Variants in ANKIB1 observed in about 807,000 individuals in gnomAD.
ANKIB1 encodes the protein ankyrin repeat and IBR domain containing 1.
Under a neutral mutation model 122.1 loss-of-function variants are expected in ANKIB1, and 43 were observed. The observed-to-expected ratio is 0.35, with a 90% CI of 0.28 to 0.45. ANKIB1 has a LOEUF of 0.45. ANKIB1 is among the 20% of genes least tolerant of loss of function. The pLI, the probability that ANKIB1 is intolerant of heterozygous loss-of-function variation, is 1.00. For synonymous variants in ANKIB1, 390 were observed against 442.0 expected (o/e 0.88, Z 1.48); for missense variants, 992 against 1,329.5 (o/e 0.75, Z 3.95).
At chr7:92,378,832 G>A (rs1242245508) in intron 11 of ANKIB1, among the ~76,000 whole-genome samples, 2 of 152,170 alleles carry the variant, frequency 1.3e-5, no homozygotes, top group Non-Finnish European at 2.9e-5. Context: ...CAAAAATTCA[G>A]TTAAGTAGCA....
intron 1 of ANKIB1, among the ~76,000 whole-genome samples, chr7:92,285,906 C>T (rs1001498392): frequency 5.3e-5 from 8 of 152,204 alleles, no homozygotes; most frequent in Non-Finnish European, 8.8e-5. Context: ...TTCAAGCAAA[C>T]TCATTGTGCT....
At chr7:92,380,359 C>T (rs977297435) in intron 11 of ANKIB1, among the ~76,000 whole-genome samples, 18 of 152,104 alleles carry the variant, frequency 1.2e-4, no homozygotes, top group East Asian at 3.9e-4. Flanking sequence ...TGTCCCTGTC[C>T]GACAGCTCTG....
At chr7:92,352,975 C>T (rs1803697920) in intron 9 of ANKIB1, among the ~76,000 whole-genome samples, 1 of 152,126 alleles carries the variant, frequency 6.6e-6, no homozygotes, top group Admixed American at 6.6e-5. Context: ...GATTAGAACC[C>T]AGCTGTTTGA....
At chr7:92,347,842 A>G (rs1360280161) in intron 7 of ANKIB1, 1 of 257,798 alleles carries the variant, frequency 3.9e-6, no homozygotes, top group Non-Finnish European at 7.6e-6. Flanking sequence ...GCTTCCTAGG[A>G]TTATCATCAG....
At chr7:92,360,023 A>G (rs182455566) in intron 9 of ANKIB1, among the ~76,000 whole-genome samples, 47 of 152,358 alleles carry the variant, frequency 3.1e-4, no homozygotes, top group Admixed American at 1.6e-3. Flanking sequence ...AGATTAGATG[A>G]TAAGTCAGGA....
chr7:92,376,441 T>A (rs1347117872), intron 11 of ANKIB1, among the ~76,000 whole-genome samples: 1 of 149,198 alleles, frequency 6.7e-6, no homozygotes, highest in East Asian at 2.1e-4. Context: ...TGCACTTTTT[T>A]TTTATTTTTT....
At chr7:92,330,442 T>G (rs1388867590) in intron 5 of ANKIB1, among the ~76,000 whole-genome samples, 1 of 152,164 alleles carries the variant, frequency 6.6e-6, no homozygotes, top group Non-Finnish European at 1.5e-5. Flanking sequence ...GTTGTAAAAT[T>G]ACATTTTTTA....
At chr7:92,255,778 A>G (rs76219885) in intron 1 of ANKIB1, among the ~76,000 whole-genome samples, 93 of 152,298 alleles carry the variant, frequency 6.1e-4, no homozygotes, top group African/African-American at 2.1e-3. Flanking sequence ...GTCATGTTTT[A>G]AAGTTATTTA....
chr7:92,378,913 TCAA>T (rs1401426172), intron 11 of ANKIB1, among the ~76,000 whole-genome samples: 2 of 152,072 alleles, frequency 1.3e-5, no homozygotes, highest in Non-Finnish European at 2.9e-5. Flanking sequence ...TTCATGTGTA[TCAA>T]CAACAATACT....
At chr7:92,285,627 A>G (rs752119464) in intron 1 of ANKIB1, among the ~76,000 whole-genome samples, 32 of 152,200 alleles carry the variant, frequency 2.1e-4, no homozygotes, top group Non-Finnish European at 3.8e-4. Flanking sequence ...TGCTCTTTCA[A>G]CTCACTAAAC....
At chr7:92,279,207 C>A (rs189251823) in intron 1 of ANKIB1, among the ~76,000 whole-genome samples, 35 of 152,290 alleles carry the variant, frequency 2.3e-4, no homozygotes, top group African/African-American at 7.7e-4. Flanking sequence ...GCCCGCTGCT[C>A]ACCTCGTGCT....
rs1225841404 is a variant in ANKIB1, at chr7:92,400,066, T to G, written c.*1117T>G. 1 of 152,188 alleles carries G rather than the reference T, an allele frequency of 6.6e-6. No individual in the cohort carries two copies. The highest frequency in any genetic ancestry group is 1.5e-5 in the Non-Finnish European group (1 of 68,044). 9.4% of individuals were successfully genotyped at this position (152,188 alleles called of 1,614,324 possible). A position where few individuals can be genotyped will look rare whatever the true frequency, so the allele number is the denominator to read the frequency against. On this transcript the variant is annotated 3_prime_UTR_variant, in exon 20 of 20. Transcript: ENST00000265742. ...GTTGCCAGTTAAATAAGTGAGTAATTCAAATTTCAATGTCTCTTCTGAAGT... is the reference window on the plus strand; with the variant it reads ...GTTGCCAGTTAAATAAGTGAGTAATGCAAATTTCAATGTCTCTTCTGAAGT...
At chr7:92,377,324 A>G (rs961577713) in intron 11 of ANKIB1, among the ~76,000 whole-genome samples, 4 of 152,130 alleles carry the variant, frequency 2.6e-5, no homozygotes, top group Non-Finnish European at 4.4e-5. Context: ...GAACACATAC[A>G]ACATATATAT....
At chr7:92,284,243 A>T (rs1802069913) in intron 1 of ANKIB1, among the ~76,000 whole-genome samples, 1 of 152,192 alleles carries the variant, frequency 6.6e-6, no homozygotes, top group Non-Finnish European at 1.5e-5. Context: ...TAGTAATAGG[A>T]TGAAGATAAT....
intron 3 of ANKIB1, among the ~76,000 whole-genome samples, chr7:92,310,305 A>G (rs1249248583): frequency 6.6e-6 from 1 of 152,132 alleles, no homozygotes; most frequent in Non-Finnish European, 1.5e-5. Context: ...TTGACTTACT[A>G]TTAAATATAA....
chr7:92,299,731 ATGT>A (rs1802423736), intron 2 of ANKIB1, among the ~76,000 whole-genome samples: 1 of 152,170 alleles, frequency 6.6e-6, no homozygotes, highest in African/African-American at 2.4e-5. Flanking sequence ...TTATTTAAAC[ATGT>A]TGTTAATATA....
In ANKIB1 at chr7:92,299,980, T is replaced by A. The variant is rs192018972; in HGVS notation, c.188+4814T>A. 7.8e-4 allele frequency among the ~76,000 whole-genome samples: 118 copies of A among 152,196 alleles called. No individual in the cohort carries two copies. In the East Asian group the frequency reaches 0.013, roughly 17 times the overall value. ...CCACTATGTCTGGCCAATTTTTTTT[T>A]AATTTTTTGTAGAGATGGGATTTCG... On this transcript the variant is annotated intron_variant, in intron 2 of 19. Coordinates refer to ENST00000265742, the MANE Select transcript of ANKIB1 (RefSeq NM_019004.2).
chr7:92,388,132 A>G, intron 14 of ANKIB1, 91 bp downstream of exon 14: 1 of 1,163,028 alleles, frequency 8.6e-7, no homozygotes, highest in South Asian at 1.4e-5. Context: ...AAAGGAATAC[A>G]TTATGTTCAT....
At chr7:92,338,255 T>TAAA (rs538242807) in intron 5 of ANKIB1, among the ~76,000 whole-genome samples, 1 of 137,414 alleles carries the variant, frequency 7.3e-6, no homozygotes, top group Non-Finnish European at 1.6e-5. Flanking sequence ...ACAAAAAAAT[T>TAAA]AAAAAAAAAA....
Sources: gnomAD v4.1 joint callset for allele counts (sites outside exome capture counted in the v4.1 genomes callset) on GRCh38, gnomAD v4.1.1 for gene constraint, MANE v1.5 for transcripts, NCBI Gene and HGNC (gene_info 2026-07-23, HGNC 2026-07-21) for gene names.